The following BTD variants were observed in gnomAD, a reference collection of about 807,000 sequenced individuals.
The protein encoded by BTD is biocytinase.
A neutral mutation model predicts 17.7 loss-of-function variants in BTD; 13 were observed. The ratio of observed to expected loss-of-function variants is 0.74; its 90% CI spans 0.48 to 1.17. BTD has a LOEUF of 1.17. Ranked by LOEUF, BTD falls within the 50% of genes most tolerant of loss-of-function variation. BTD has a pLI of 0.00. For missense variants in BTD, 674 were observed against 650.4 expected (o/e 1.04, Z -0.39); for synonymous variants, 240 against 245.2 (o/e 0.98, Z 0.20).
downstream of BTD, among the ~76,000 whole-genome samples, chr3:15,654,402 G>A (rs147648371): frequency 2.2e-3 from 328 of 152,154 alleles, 1 homozygote; most frequent in African/African-American, 7.6e-3. Context: ...GTTTTCAGAT[G>A]CTTCACCTCC....
rs540777491 is a variant in BTD, at chr3:15,605,807, G to A, written c.-17+3913G>A. Among the ~76,000 whole-genome samples the A allele has an allele frequency of 2.4e-4, 36 of 152,178 alleles. No homozygotes were observed. In the East Asian group the frequency reaches 6.8e-3, roughly 29 times the overall value. ...GCCTGTAATCCCAGCACTTTGGGAG[G>A]CCGAGGTGGGCAGATCATCTGAGGT... On this transcript the variant is annotated intron_variant, in intron 1 of 3. Transcript: ENST00000643237.
At chr3:15,692,574 A>C (rs1258461654) in intron 3 of BTD, among the ~76,000 whole-genome samples, 2 of 152,224 alleles carry the variant, frequency 1.3e-5, no homozygotes, top group African/African-American at 2.4e-5. Context: ...GAAGAAGTCC[A>C]AATGTCCAGT....
At chr3:15,603,960 C>A (rs1302439203) in intron 1 of BTD, among the ~76,000 whole-genome samples, 1 of 152,238 alleles carries the variant, frequency 6.6e-6, no homozygotes, top group African/African-American at 2.4e-5. Flanking sequence ...AGGCTACAAC[C>A]CCCTCTCCCA....
chr3:15,630,797 C>T (rs909625134), intron 1 of BTD, among the ~76,000 whole-genome samples: 1 of 152,164 alleles, frequency 6.6e-6, no homozygotes, highest in Admixed American at 6.5e-5. Flanking sequence ...AGCTGTCACT[C>T]ACAAGTGTTT....
intron 3 of BTD, 167 bp downstream of exon 3, chr3:15,642,224 A>G: frequency 6.8e-7 from 1 of 1,476,848 alleles, no homozygotes. Flanking sequence ...TCCATTAAAG[A>G]ATGTCTGACG....
intron 3 of BTD, chr3:15,677,067 G>A (rs1468430330): frequency 1.9e-6 from 3 of 1,608,376 alleles, no homozygotes; most frequent in Non-Finnish European, 1.7e-6. Context: ...CTATAATTGT[G>A]GCAGATAAGT....
rs114231639 is a variant in BTD, at chr3:15,605,086, C to G, written c.-17+3192C>G. Reference sequence around the variant, plus strand: ...ATTTCCACAGTTTCGGCTGTCTTTACAGTAGTGCCCCACTCTCTGCATTAC... The same window carrying G: ...ATTTCCACAGTTTCGGCTGTCTTTAGAGTAGTGCCCCACTCTCTGCATTAC... On this transcript the variant is annotated intron_variant, in intron 1 of 3. Coordinates refer to ENST00000643237, the MANE Select transcript of BTD (RefSeq NM_001370658.1). Among the ~76,000 whole-genome samples, 837 of 152,322 alleles carry G rather than the reference C, an allele frequency of 5.5e-3. 5 individuals carry two copies. The highest frequency in any genetic ancestry group is 0.019 in the African/African-American group (798 of 41,568).
In BTD at chr3:15,645,678, C is replaced by T. The variant is rs543421200; in HGVS notation, c.*190C>T. 4.8e-6 allele frequency: 3 copies of T among 619,356 alleles called. No individual in the cohort carries two copies. The East Asian group carries it at 8.3e-5, about 17-fold the overall frequency. The allele number at this position is 619,356 out of a possible 1,614,324, so 38.4% of individuals were successfully genotyped here. ...TTCCCTCAGTGTCTTCCTCTTAAACCTCAATCATCGAGACATTAGGGGGTA... is the reference window on the plus strand; with the variant it reads ...TTCCCTCAGTGTCTTCCTCTTAAACTTCAATCATCGAGACATTAGGGGGTA... On this transcript the variant is annotated 3_prime_UTR_variant, in exon 4 of 4. Transcript: ENST00000643237.
chr3:15,672,581 T>TG (rs1315380231), intron 3 of BTD, among the ~76,000 whole-genome samples: 2 of 152,212 alleles, frequency 1.3e-5, no homozygotes, highest in African/African-American at 2.4e-5. Flanking sequence ...TCAAAGTAGC[T>TG]GGGGGAGTGC....
At chr3:15,721,079 A>C (rs778927420) in intron 4 of BTD, 1 of 1,613,812 alleles carries the variant, frequency 6.2e-7, no homozygotes, top group South Asian at 1.1e-5. Context: ...TGTCCATTAT[A>C]GCAGGCTACA....
At chr3:15,711,145 A>C in exon 4 of BTD, 4 of 1,333,674 alleles carry the variant, frequency 3.0e-6, no homozygotes, top group Non-Finnish European at 2.1e-6. Flanking sequence ...AAAAGAACAA[A>C]GATAAGAGAA....
At chr3:15,642,379 G>A (rs973885855) in intron 3 of BTD, 3 of 709,046 alleles carry the variant, frequency 4.2e-6, no homozygotes, top group Non-Finnish European at 6.4e-6. Flanking sequence ...CCCTTGCTTA[G>A]AGAAACTGCC....
chr3:15,619,657 T>G (rs997894520), intron 1 of BTD, among the ~76,000 whole-genome samples: 1 of 152,248 alleles, frequency 6.6e-6, no homozygotes, highest in African/African-American at 2.4e-5. Context: ...TAAGGATTAT[T>G]GCATCTATAT....
chr3:15,720,953 C>G, intron 4 of BTD: 2 of 1,613,870 alleles, frequency 1.2e-6, no homozygotes, highest in Non-Finnish European at 1.7e-6. Context: ...ACTAGAAGCT[C>G]TAAACACAAT....
downstream of BTD, among the ~76,000 whole-genome samples, chr3:15,656,888 G>T (rs2065876199): frequency 6.6e-6 from 1 of 152,154 alleles, no homozygotes; most frequent in Non-Finnish European, 1.5e-5. Flanking sequence ...AAACGTAATG[G>T]CTTGAACAGC....
At chr3:15,643,522 A>G (rs1047942709) in intron 3 of BTD, among the ~76,000 whole-genome samples, 3 of 152,094 alleles carry the variant, frequency 2.0e-5, no homozygotes, top group Admixed American at 1.3e-4. Context: ...AAAAAGAAGA[A>G]TCTTTTGAAT....
chr3:15,632,788 C>T (rs1430169454), intron 1 of BTD: 1 of 152,536 alleles, frequency 6.6e-6, no homozygotes, highest in African/African-American at 2.4e-5. Flanking sequence ...TGCCACTTTA[C>T]AACTGAGCAC....
At chr3:15,706,976 A>T (rs77421339) in intron 3 of BTD, among the ~76,000 whole-genome samples, 27 of 152,336 alleles carry the variant, frequency 1.8e-4, no homozygotes, top group African/African-American at 6.3e-4. Flanking sequence ...AATCCAACAT[A>T]AAAAAAGTTA....
intron 3 of BTD, chr3:15,696,276 T>A (rs770899365): frequency 7.2e-7 from 1 of 1,381,912 alleles, no homozygotes; most frequent in Non-Finnish European, 1.0e-6. Flanking sequence ...ATACTGAAAA[T>A]CCTAAATCCT....
Sources: gnomAD v4.1 joint callset for allele counts (sites outside exome capture counted in the v4.1 genomes callset) on GRCh38, gnomAD v4.1.1 for gene constraint, MANE v1.5 for transcripts, NCBI Gene and HGNC (gene_info 2026-07-23, HGNC 2026-07-21) for gene names.